The following NBPF14 variants were observed in gnomAD, a reference collection of about 807,000 sequenced individuals.
NBPF14 encodes the protein NBPF member 14.
In NBPF14, 104 loss-of-function variants were observed where a neutral mutation model predicts 91.2. The ratio of observed to expected loss-of-function variants is 1.14; its 90% CI spans 0.97 to 1.34. The LOEUF (loss-of-function observed/expected upper bound fraction) is 1.34. NBPF14 is among the 40% of genes most tolerant of loss of function. The pLI, the probability that NBPF14 is intolerant of heterozygous loss-of-function variation, is 0.00. For missense variants in NBPF14, 908 were observed against 783.0 expected, an observed-to-expected ratio of 1.16 and a Z score of -1.91; for synonymous variants, 294 against 303.8, an observed-to-expected ratio of 0.97 and a Z score of 0.34.
chr1:148,568,953 T>TA (rs1265039166), intron 25 of NBPF14, among the ~76,000 whole-genome samples: 3 of 147,014 alleles, frequency 2.0e-5, no homozygotes, highest in African/African-American at 4.9e-5. Context: ...CTACGAGATC[T>TA]ACAAAATTGA....
chr1:148,587,266 C>T (rs1661705555), intron 8 of NBPF14, 35 bp downstream of exon 8: 2 of 1,512,996 alleles, frequency 1.3e-6, no homozygotes, highest in Non-Finnish European at 1.8e-6. Flanking sequence ...ATTTACACAC[C>T]TGCCCCCCTG....
At position 148,534,410 on chromosome 1, in the gene NBPF14, G is replaced by A. The variant is rs1424736097; in HGVS notation, c.8614+274C>T. On this transcript the variant is annotated intron_variant, in intron 69 of 70. Coordinates refer to ENST00000619423, the Ensembl canonical transcript of NBPF14. ...CCTTGAGTCAAAATCACAGTTCTCT[G>A]AATTTGTCACATCTGCCCAGGTCCA... is the stretch of plus-strand genomic sequence containing the variant. Among the ~76,000 whole-genome samples, 8 of 151,726 alleles carry A rather than the reference G, an allele frequency of 5.3e-5. 1 individual carries two copies. The South Asian group carries it at 6.2e-4, about 12-fold the overall frequency.
At chr1:148,557,783 T>C (rs1333636955) in intron 39 of NBPF14, among the ~76,000 whole-genome samples, 2 of 117,802 alleles carry the variant, frequency 1.7e-5, no homozygotes, top group African/African-American at 4.3e-5. Context: ...TATCCCAAGT[T>C]TGTGCAAACA....
At chr1:148,585,372 C>T (rs1207643505) in intron 9 of NBPF14, among the ~76,000 whole-genome samples, 159 bp from the exon 10 acceptor site, 3 of 151,912 alleles carry the variant, frequency 2.0e-5, no homozygotes, top group Non-Finnish European at 4.4e-5. Flanking sequence ...GCCATGGTTT[C>T]CTGATCCATC....
At chr1:148,533,511 G>A (rs1272624450) in intron 70 of NBPF14, among the ~76,000 whole-genome samples, 4 of 151,396 alleles carry the variant, frequency 2.6e-5, no homozygotes, top group Non-Finnish European at 5.9e-5. Flanking sequence ...GTGACATACT[G>A]GTAAGGGAGT....
In NBPF14 at chr1:148,572,505, G is replaced by C. The variant is rs1176025778; in HGVS notation, c.2696C>G (p.Pro899Arg). ...CAATGAGTAAACAGCACTGCTGTAG[G>C]GCTGGCCTAAGTCAGGCAGTTCAAG... Residue 899 changes from proline (P) to arginine (R), a missense_variant, in exon 21 of 71, where the codon CCC (proline) becomes CGC (arginine). This residue lies in a region of NBPF14 where 447 missense variants were observed against 189.1 expected (regional missense o/e 2.36). Transcript: ENST00000619423. 2.7e-5 allele frequency: 16 copies of C among 596,562 alleles called. 2 individuals are homozygous for C. Among genetic ancestry groups the C allele is most frequent in the Non-Finnish European group, 4.4e-5 (15 of 340,924 alleles). 37.0% of individuals were successfully genotyped at this position (596,562 alleles called of 1,614,324 possible). A position where few individuals can be genotyped will look rare whatever the true frequency, so the allele number is the denominator to read the frequency against.
At chr1:148,534,291 C>A (rs1440379467) in intron 69 of NBPF14, among the ~76,000 whole-genome samples, 1 of 151,774 alleles carries the variant, frequency 6.6e-6, no homozygotes, top group Non-Finnish European at 1.5e-5. Flanking sequence ...AGAAAAACTG[C>A]AATATTTAGC....
In NBPF14 at chr1:148,577,262, C is replaced by T; in HGVS notation, c.1947G>A (p.Leu649=). The T allele has an allele frequency of 3.1e-6, 2 of 639,164 alleles. 1 individual carries two copies. 39.6% of individuals were successfully genotyped at this position (639,164 alleles called of 1,614,324 possible). Residue 649 remains leucine (L), a synonymous_variant, in exon 15 of 71, where the codon CTG becomes CTA. Transcript: ENST00000619423. ...TTCTGTAGGGCTGGCATGAGTCAGT[C>T]AGTTCAAGACAACCTGAAGGAGTTG... is the stretch of plus-strand genomic sequence containing the variant.
At chr1:148,533,915 T>G in exon 70 of NBPF14, 1 of 752,466 alleles carries the variant, frequency 1.3e-6, no homozygotes, top group Non-Finnish European at 2.4e-6. Context: ...CCTTCTTCTT[T>G]CCTTCTTTGA....
chr1:148,557,653 G>A, intron 39 of NBPF14, 111 bp from the exon 40 acceptor site: 1 of 608,686 alleles, frequency 1.6e-6, no homozygotes, highest in South Asian at 1.8e-5. Flanking sequence ...CATGAGAACA[G>A]GACCATGTGA....
chr1:148,549,821 TG>T (rs1655954459), intron 49 of NBPF14, among the ~76,000 whole-genome samples, 169 bp from the exon 50 acceptor site: 1 of 60,020 alleles, frequency 1.7e-5, no homozygotes, highest in Non-Finnish European at 2.8e-5. Flanking sequence ...AGAGATTCCT[TG>T]GTTTTTGTCC....
In NBPF14 at chr1:148,576,180, G is replaced by T. The variant is rs1193812244; in HGVS notation, c.2078+230C>A. On this transcript the variant is annotated intron_variant, in intron 16 of 70. Transcript: ENST00000619423. ...GTAAACTTGCTCAAGATTCCATGCA[G>T]TTGCCATACAGCCTTTGAGGTATGG... Among the ~76,000 whole-genome samples the T allele has an allele frequency of 4.8e-5, 5 of 104,604 alleles. 1 individual carries two copies. The highest frequency in any genetic ancestry group is 7.0e-5 in the Non-Finnish European group (4 of 56,886). The allele number at this position is 104,604 out of a possible 152,430, so 68.6% of individuals were successfully genotyped here. A position where few individuals can be genotyped will look rare whatever the true frequency, so the allele number is the denominator to read the frequency against.
chr1:148,577,498 A>G lies in NBPF14; in HGVS notation c.1854-143T>C, dbSNP rs1188106160. 12 of 704,178 alleles carry G rather than the reference A, an allele frequency of 1.7e-5. No homozygotes were observed. In the Admixed American group the frequency reaches 1.8e-4, roughly 11 times the overall value. The allele number at this position is 704,178 out of a possible 1,614,324, so 43.6% of individuals were successfully genotyped here. A position where few individuals can be genotyped will look rare whatever the true frequency, so the allele number is the denominator to read the frequency against. ...AATGAGGTAACAAATTATTGCCTTT[A>G]TGTTGGGATAGACTATGGCCAGGTA... On this transcript the variant is annotated intron_variant, in intron 14 of 70. Coordinates refer to ENST00000619423, the Ensembl canonical transcript of NBPF14.
chr1:148,534,086 T>A, intron 69 of NBPF14, 117 bp from the exon 70 acceptor site: 1 of 582,862 alleles, frequency 1.7e-6, no homozygotes, highest in East Asian at 2.9e-5. Context: ...AATAGGACAC[T>A]GTGAGAGATA....
intron 70 of NBPF14, 94 bp from the exon 71 acceptor site, chr1:148,533,342 AG>A (rs1366378548): frequency 2.0e-6 from 1 of 505,294 alleles, no homozygotes. Flanking sequence ...GGAAGTGGTT[AG>A]AAAAGAAAAA....
chr1:148,577,509 G>T (rs1267416380), intron 14 of NBPF14, among the ~76,000 whole-genome samples, 154 bp from the exon 15 acceptor site: 5 of 150,934 alleles, frequency 3.3e-5, no homozygotes, highest in African/African-American at 1.2e-4. Flanking sequence ...TGTTGGGATA[G>T]ACTATGGCCA....
exon 70 of NBPF14, chr1:148,533,879 T>G: frequency 1.3e-6 from 1 of 762,732 alleles, no homozygotes; most frequent in Non-Finnish European, 2.4e-6. Context: ...TGGTGGGTTT[T>G]GATCTTCTTC....
chr1:148,576,112 C>G (rs1252293266), intron 16 of NBPF14, among the ~76,000 whole-genome samples: 2 of 130,710 alleles, frequency 1.5e-5, no homozygotes, highest in Non-Finnish European at 3.2e-5. Flanking sequence ...TCGGGACACA[C>G]AGCGAACAGT....
chr1:148,595,403 A>G (rs1663160758), intron 2 of NBPF14, 140 bp downstream of exon 2: 2 of 1,081,524 alleles, frequency 1.8e-6, no homozygotes, highest in African/African-American at 3.1e-5. Flanking sequence ...AACTTTAACA[A>G]AATGTTAAAA....
Sources: allele counts gnomAD v4.1 joint callset (sites outside exome capture counted in the v4.1 genomes callset), GRCh38; gene constraint gnomAD v4.1.1; regional missense constraint gnomAD v4.1.1; transcripts MANE v1.5; gene names NCBI Gene and HGNC (gene_info 2026-07-23, HGNC 2026-07-21).